The following SULT1C4 variants were observed in gnomAD, a reference collection of about 807,000 sequenced individuals.
The protein encoded by SULT1C4 is sulfotransferase family 1C member 4.
A neutral mutation model predicts 34.8 loss-of-function variants in SULT1C4; 32 were observed. The observed-to-expected ratio is 0.92, with a 90% CI of 0.69 to 1.23. The LOEUF (loss-of-function observed/expected upper bound fraction) is 1.23. SULT1C4 is among the 50% of genes most tolerant of loss of function. The pLI, the probability that SULT1C4 is intolerant of heterozygous loss-of-function variation, is 0.00. For missense variants in SULT1C4, 375 were observed against 365.9 expected (o/e 1.02, Z -0.20); for synonymous variants, 111 against 120.5 (o/e 0.92, Z 0.51).
chr2:108,384,980 T>C (rs1165626417), intron 5 of SULT1C4, among the ~76,000 whole-genome samples: 2 of 152,222 alleles, frequency 1.3e-5, no homozygotes, highest in Non-Finnish European at 2.9e-5. Context: ...GTTCAATCAC[T>C]GCTGGGCCTT....
rs200353721 is a variant in SULT1C4, at chr2:108,383,043, AAAT to A, written c.394-49_394-47del. Reference sequence around the variant, plus strand: ...CAGTAACAGCAAAAAAAAAAAAAAAAAATTCCTGTTTTTTTGCTTCTTCCCTTC... The same window carrying A: ...CAGTAACAGCAAAAAAAAAAAAAAAATCCTGTTTTTTTGCTTCTTCCCTTC... On this transcript the variant is annotated intron_variant, in intron 3 of 6. Coordinates refer to ENST00000272452, the MANE Select transcript of SULT1C4 (RefSeq NM_006588.4). 7,457 of 1,514,094 alleles carry A rather than the reference AAAT, an allele frequency of 4.9e-3. 262 individuals carry two copies. The African/African-American group carries it at 0.1, about 20-fold the overall frequency. The allele number at this position is 1,514,094 out of a possible 1,614,324, so 93.8% of individuals were successfully genotyped here. A position where few individuals can be genotyped will look rare whatever the true frequency, so the allele number is the denominator to read the frequency against.
rs750911106 is a variant in SULT1C4, at chr2:108,386,280, C to G, written c.704C>G (p.Ser235Trp). The G allele has an allele frequency of 3.8e-6, 6 of 1,585,266 alleles. No individual in the cohort carries two copies. In the Admixed American group the frequency reaches 8.8e-5, roughly 23 times the overall value. The change falls in exon 6 of 7, where the codon TCG becomes TGG. Residue 235 changes from serine (S) to tryptophan (W), a missense_variant. Ser to Trp is a radical substitution (Grantham distance 177). Coordinates refer to ENST00000272452, the MANE Select transcript of SULT1C4 (RefSeq NM_006588.4). ...CTAGATAAAATTGTCCATTACACTT[C>G]GTTTGATGTCATGAAACAGAATCCA... ...KVLDKIVHYTSFDVMKQNPMA... is the reference protein window; with the variant it reads ...KVLDKIVHYTWFDVMKQNPMA...
chr2:108,387,564 C>A lies in SULT1C4; in HGVS notation c.*132C>A. ...AGTTTACTGTGTTTGCTCTTATTCA[C>A]TCTACTAAAAAATTATTTTAAAAGG... On this transcript the variant is annotated 3_prime_UTR_variant, in exon 7 of 7. Coordinates refer to ENST00000272452, the MANE Select transcript of SULT1C4 (RefSeq NM_006588.4). 1 of 660,274 alleles carries A rather than the reference C, an allele frequency of 1.5e-6. No individual in the cohort carries two copies. Among genetic ancestry groups the A allele is most frequent in the Non-Finnish European group, 2.5e-6 (1 of 404,056 alleles). The allele number at this position is 660,274 out of a possible 1,614,324, so 40.9% of individuals were successfully genotyped here.
intron 5 of SULT1C4, among the ~76,000 whole-genome samples, chr2:108,383,932 G>A (rs1334568139): frequency 2.0e-5 from 3 of 151,612 alleles, no homozygotes; most frequent in East Asian, 3.9e-4. Context: ...GCAATGGTGC[G>A]ATCTCAAGTC....
At chr2:108,386,416 A>C in intron 6 of SULT1C4, 44 bp downstream of exon 6, 2 of 1,317,682 alleles carry the variant, frequency 1.5e-6, no homozygotes, top group Non-Finnish European at 9.9e-7. Context: ...AGAACTGTCA[A>C]ATATTTTAAA....
chr2:108,382,297 T>G, intron 2 of SULT1C4, 88 bp from the exon 3 acceptor site: 1 of 992,142 alleles, frequency 1.0e-6, no homozygotes, highest in Non-Finnish European at 1.6e-6. Context: ...ATGCTTTGAA[T>G]TGTAGTAGTA....
Position 108,378,277 on chromosome 2 carries a change from C to G in SULT1C4, c.-61C>G, listed in dbSNP as rs752544788. ...TAGAGTGCTGCCTCTATCCACAACG[C>G]AGCCATATGCTGACTGAAGATAACT... On this transcript the variant is annotated 5_prime_UTR_variant, in exon 1 of 7. Coordinates refer to ENST00000272452, the MANE Select transcript of SULT1C4 (RefSeq NM_006588.4). The G allele has an allele frequency of 8.5e-6, 13 of 1,524,510 alleles. No individual in the cohort carries two copies. In the Admixed American group the frequency reaches 2.1e-4, roughly 25 times the overall value. 94.4% of individuals were successfully genotyped at this position (1,524,510 alleles called of 1,614,324 possible).
intron 5 of SULT1C4, 36 bp downstream of exon 5, chr2:108,383,546 C>T (rs1279559445): frequency 1.3e-6 from 2 of 1,575,210 alleles, no homozygotes; most frequent in African/African-American, 1.4e-5. Context: ...ACCCACTGGA[C>T]CATAAAACAT....
Position 108,378,121 on chromosome 2 carries a change from T to C in SULT1C4, c.-217T>C, listed in dbSNP as rs1678291259. ...CTGCAGTTCCTCAGGAAACTGCCAG[T>C]GGACAAAGTCATAAACAAGAGTTCC... On this transcript the variant is annotated 5_prime_UTR_variant, in exon 1 of 7. Coordinates refer to ENST00000272452, the MANE Select transcript of SULT1C4 (RefSeq NM_006588.4). 1 of 379,434 alleles carries C rather than the reference T, an allele frequency of 2.6e-6. No homozygotes were observed. The highest frequency in any genetic ancestry group is 2.2e-5 in the African/African-American group (1 of 45,762). 23.5% of individuals were successfully genotyped at this position (379,434 alleles called of 1,614,324 possible).
intron 3 of SULT1C4, 96 bp from the exon 4 acceptor site, chr2:108,382,997 C>T (rs1678454078): frequency 1.5e-6 from 2 of 1,354,540 alleles, no homozygotes; most frequent in African/African-American, 1.5e-5. Flanking sequence ...AATGTATCTA[C>T]CCTAACATGA....
Position 108,387,315 on chromosome 2 carries a change from T to C in SULT1C4, c.797-5T>C, listed in dbSNP as rs935535034. Reference sequence around the variant, plus strand: ...CTGAACCTCTCCCACATAACTGTATTTCAGGGGCAGTGGGAGACTGGAAGA... The same window carrying C: ...CTGAACCTCTCCCACATAACTGTATCTCAGGGGCAGTGGGAGACTGGAAGA... On this transcript the variant is annotated splice_polypyrimidine_tract_variant and splice_region_variant and intron_variant, in intron 6 of 6. Transcript: ENST00000272452. 18 of 1,608,054 alleles carry C rather than the reference T, an allele frequency of 1.1e-5. No homozygotes were observed. Among genetic ancestry groups the C allele is most frequent in the Non-Finnish European group, 1.4e-5 (17 of 1,175,982 alleles).
intron 2 of SULT1C4, 172 bp from the exon 3 acceptor site, chr2:108,382,213 T>C: frequency 1.5e-6 from 1 of 658,642 alleles, no homozygotes; most frequent in Non-Finnish European, 2.7e-6. Flanking sequence ...TTAGGAATTG[T>C]TCTAGTCAAA....
intron 1 of SULT1C4, among the ~76,000 whole-genome samples, chr2:108,380,242 G>T (rs1678350152): frequency 1.3e-5 from 2 of 152,174 alleles, no homozygotes; most frequent in South Asian, 4.1e-4. Context: ...GGCTAGGCAT[G>T]GTGGCTCACA....
chr2:108,381,967 T>C (rs185149479), intron 2 of SULT1C4, 80 bp downstream of exon 2: 6 of 1,361,666 alleles, frequency 4.4e-6, no homozygotes, highest in East Asian at 5.4e-5. Flanking sequence ...TTCGAAATTA[T>C]AGGCTTTCAA....
chr2:108,386,429 A>T, intron 6 of SULT1C4, 57 bp downstream of exon 6: 1 of 1,263,094 alleles, frequency 7.9e-7, no homozygotes, highest in South Asian at 2.9e-5. Context: ...ATTTTAAAGC[A>T]TTTGAGGAGT....
rs137910188 is a variant in SULT1C4 at position 108,383,869 on chromosome 2, G to GTT, written c.615+363_615+364dup. 7.6e-3 allele frequency among the ~76,000 whole-genome samples: 1,131 copies of GTT among 148,554 alleles called. 20 individuals are homozygous for GTT. Among genetic ancestry groups the GTT allele is most frequent in the African/African-American group, 0.027 (1,085 of 39,584 alleles). ...TGGTTTTTGGGTTTTTTTTGTTTTT[G>GTT]TTTTTGTTTTTGAGACAGAGGAGGA... is the stretch of plus-strand genomic sequence containing the variant. On this transcript the variant is annotated intron_variant, in intron 5 of 6. Transcript: ENST00000272452.
rs1299640576 is a variant in SULT1C4 at position 108,378,498 on chromosome 2, C to T, written c.161C>T (p.Pro54Leu). 1 of 1,613,672 alleles carries T rather than the reference C, an allele frequency of 6.2e-7. No homozygotes were observed. Among genetic ancestry groups the T allele is most frequent in the Non-Finnish European group, 8.5e-7 (1 of 1,179,884 alleles). Reference protein sequence around the residue: ...KPDDLLISTYPKAGTTWTQEI... With the variant: ...KPDDLLISTYLKAGTTWTQEI... ...GATGACCTGCTTATTTCTACCTATCCTAAAGCAGGTAGGTGGAAGGGCTTG... is the reference window on the plus strand; with the variant it reads ...GATGACCTGCTTATTTCTACCTATCTTAAAGCAGGTAGGTGGAAGGGCTTG... The change falls in exon 1 of 7, where the codon CCT becomes CTT. Residue 54 changes from proline to leucine, a missense_variant. By Grantham distance (98) the Pro-to-Leu change is moderately conservative. Transcript: ENST00000272452.
intron 2 of SULT1C4, 119 bp from the exon 3 acceptor site, chr2:108,382,266 A>G (rs1210733153): frequency 7.4e-6 from 6 of 815,918 alleles, no homozygotes; most frequent in Admixed American, 5.9e-5. Context: ...CACCAGATCT[A>G]CAGTTACAAT....
chr2:108,382,629 C>A, intron 3 of SULT1C4, 147 bp downstream of exon 3: 1 of 674,496 alleles, frequency 1.5e-6, no homozygotes, highest in Non-Finnish European at 2.5e-6. Flanking sequence ...CCTAGCCAGG[C>A]ACGTTGGCTC....
Sources: allele counts gnomAD v4.1 joint callset (sites outside exome capture counted in the v4.1 genomes callset), GRCh38; gene constraint gnomAD v4.1.1; transcripts MANE v1.5; gene names NCBI Gene and HGNC (gene_info 2026-07-23, HGNC 2026-07-21).